Variants in TRAPPC12 observed in about 807,000 individuals in gnomAD.
The protein encoded by TRAPPC12 is trafficking protein particle complex subunit 12.
TRAPPC12 carries 61 observed loss-of-function variants against 69.2 expected under a neutral mutation model. The observed-to-expected ratio is 0.88, with a 90% CI of 0.72 to 1.09. TRAPPC12 has a LOEUF of 1.09. Among genes scored for constraint, TRAPPC12 ranks in the 50% least tolerant of loss-of-function variants. The pLI, the probability that TRAPPC12 is intolerant of heterozygous loss-of-function variation, is 0.00. For missense variants in TRAPPC12, 1,101 were observed against 1,016.4 expected, an observed-to-expected ratio of 1.08 and a Z score of -1.13; for synonymous variants, 469 against 438.9, an observed-to-expected ratio of 1.07 and a Z score of -0.86.
chr2:3,383,148 TATTA>T lies in TRAPPC12; in HGVS notation c.-5+3276_-5+3279del, dbSNP rs1002113818. Among the ~76,000 whole-genome samples, 23 of 152,224 alleles carry T rather than the reference TATTA, an allele frequency of 1.5e-4. 1 individual carries two copies. Among genetic ancestry groups the T allele is most frequent in the Admixed American group, 3.3e-4 (5 of 15,286 alleles). On this transcript the variant is annotated intron_variant, in intron 1 of 11. Coordinates refer to ENST00000324266, the MANE Select transcript of TRAPPC12 (RefSeq NM_016030.6). ...TCTAATGGATCATTTAGTGTGCTTTTATTAATTTGTAGGGATTCTTTATGTATTC... is the reference window on the plus strand; with the variant it reads ...TCTAATGGATCATTTAGTGTGCTTTTATTTGTAGGGATTCTTTATGTATTC...
intron 1 of TRAPPC12, among the ~76,000 whole-genome samples, chr2:3,387,338 G>C (rs928678167): frequency 5.9e-5 from 9 of 152,178 alleles, no homozygotes; most frequent in Non-Finnish European, 1.5e-5. Flanking sequence ...TGCTCTAGGC[G>C]GGGGAGATGG....
intron 6 of TRAPPC12, among the ~76,000 whole-genome samples, chr2:3,444,096 A>G (rs974671526): frequency 2.0e-5 from 3 of 152,208 alleles, no homozygotes; most frequent in Non-Finnish European, 2.9e-5. Context: ...AAGAGTTTCT[A>G]GCAGAGCTTG....
chr2:3,414,423 C>G lies in TRAPPC12; in HGVS notation c.1165-7458C>G, dbSNP rs551892544. On this transcript the variant is annotated intron_variant, in intron 3 of 11. Transcript: ENST00000324266. The surrounding 1 kb of genome is among the most constrained non-coding windows in gnomAD (Gnocchi z 4.9). Reference sequence around the variant, plus strand: ...ATTTAGTCCTTAGAATTCATTCTCTCCCTTCAAAGCCCCCCGGGTTCTTGT... The same window carrying G: ...ATTTAGTCCTTAGAATTCATTCTCTGCCTTCAAAGCCCCCCGGGTTCTTGT... Among the ~76,000 whole-genome samples the G allele has an allele frequency of 1.1e-4, 16 of 152,154 alleles. No individual in the cohort carries two copies. The highest frequency in any genetic ancestry group is 3.4e-4 in the African/African-American group (14 of 41,508).
chr2:3,451,120 A>G (rs749255436), intron 6 of TRAPPC12, among the ~76,000 whole-genome samples: 1 of 152,246 alleles, frequency 6.6e-6, no homozygotes, highest in Non-Finnish European at 1.5e-5. Flanking sequence ...TATGGAGTCA[A>G]GCAGCTGGGA....
chr2:3,387,950 TC>T lies in TRAPPC12; in HGVS notation c.330del (p.Ser111AlafsTer70). 1 of 1,491,790 alleles carries T rather than the reference TC, an allele frequency of 6.7e-7. No individual in the cohort carries two copies. The highest frequency in any genetic ancestry group is 8.9e-7 in the Non-Finnish European group (1 of 1,124,420). 92.4% of individuals were successfully genotyped at this position (1,491,790 alleles called of 1,614,324 possible). On this transcript the variant is annotated frameshift_variant, in exon 2 of 12. Transcript: ENST00000324266. LOFTEE classifies it high-confidence loss of function. ...GCCCGGAGCCCGCGGGCACCCCGAG[TC>T]CCAGCGGCGAGGCCGACGGCGACTG... ...PGPEPAGTPS[P>X]SGEADGDCAP...
At chr2:3,468,600 C>A (rs1214365985) in intron 9 of TRAPPC12, among the ~76,000 whole-genome samples, 1 of 152,170 alleles carries the variant, frequency 6.6e-6, no homozygotes, top group Non-Finnish European at 1.5e-5. Flanking sequence ...CCTCACAGAT[C>A]CAAGTGTAAG....
At chr2:3,443,734 C>A in intron 5 of TRAPPC12, 45 bp from the exon 6 acceptor site, 3 of 1,509,350 alleles carry the variant, frequency 2.0e-6, no homozygotes, top group Non-Finnish European at 2.8e-6. Context: ...TGAATGCGTG[C>A]TCAGTTATGG....
chr2:3,460,608 C>A, intron 8 of TRAPPC12: 1 of 396,832 alleles, frequency 2.5e-6, no homozygotes, highest in Non-Finnish European at 4.5e-6. Flanking sequence ...AAGTATTGTT[C>A]ATTTTCCCCC....
At chr2:3,442,857 A>G (rs1664296330) in intron 5 of TRAPPC12, among the ~76,000 whole-genome samples, 1 of 152,268 alleles carries the variant, frequency 6.6e-6, no homozygotes, top group Non-Finnish European at 1.5e-5. Context: ...ACTATATTCC[A>G]GATCCGAATA....
rs1379434284 is a variant in TRAPPC12 at position 3,414,012 on chromosome 2, G to T, written c.1165-7869G>T. ...CCCCTCCCCTCCTGTGCTAGTTCAGGCCTTGTTTCCTTGTGCCTTGTTCAC... is the reference window on the plus strand; with the variant it reads ...CCCCTCCCCTCCTGTGCTAGTTCAGTCCTTGTTTCCTTGTGCCTTGTTCAC... On this transcript the variant is annotated intron_variant, in intron 3 of 11. Coordinates refer to ENST00000324266, the MANE Select transcript of TRAPPC12 (RefSeq NM_016030.6). The surrounding 1 kb of genome is among the most constrained non-coding windows in gnomAD (Gnocchi z 4.9). Among the ~76,000 whole-genome samples, 1 of 151,984 alleles carries T rather than the reference G, an allele frequency of 6.6e-6. No individual in the cohort carries two copies. Among genetic ancestry groups the T allele is most frequent in the African/African-American group, 2.4e-5 (1 of 41,322 alleles).
At chr2:3,384,929 T>C (rs1224774245) in intron 1 of TRAPPC12, among the ~76,000 whole-genome samples, 2 of 152,212 alleles carry the variant, frequency 1.3e-5, no homozygotes, top group African/African-American at 4.8e-5. Context: ...TTTTTTATGG[T>C]TATAGAACTA....
intron 6 of TRAPPC12, among the ~76,000 whole-genome samples, chr2:3,446,486 A>G (rs1480835552): frequency 1.3e-5 from 2 of 152,238 alleles, no homozygotes; most frequent in African/African-American, 4.8e-5. Flanking sequence ...GACCCAGGGC[A>G]TGACCATATA....
chr2:3,419,889 G>A (rs779834558), intron 3 of TRAPPC12, among the ~76,000 whole-genome samples: 5 of 152,208 alleles, frequency 3.3e-5, no homozygotes, highest in Non-Finnish European at 4.4e-5. Context: ...ACGTGCAGCC[G>A]TGGGACCCCT....
At chr2:3,474,681 A>ACAGGTGACG (rs1666224944) in intron 9 of TRAPPC12, among the ~76,000 whole-genome samples, 3 of 151,958 alleles carry the variant, frequency 2.0e-5, no homozygotes, top group Non-Finnish European at 2.9e-5. Flanking sequence ...CACAGGTGAC[A>ACAGGTGACG]TCTCAAAAGG....
At chr2:3,465,879 C>T (rs948983053) in intron 9 of TRAPPC12, 184 bp downstream of exon 9, 2 of 595,178 alleles carry the variant, frequency 3.4e-6, no homozygotes, top group African/African-American at 3.7e-5. Context: ...TGTGGGAGGC[C>T]CTGCTGGCTT....
chr2:3,469,583 A>G (rs1665973763), intron 9 of TRAPPC12, among the ~76,000 whole-genome samples: 1 of 152,314 alleles, frequency 6.6e-6, no homozygotes, highest in Non-Finnish European at 1.5e-5. Context: ...CCCTCCAGCA[A>G]GAATAGCACT....
At chr2:3,445,569 A>T (rs374700133) in intron 6 of TRAPPC12, among the ~76,000 whole-genome samples, 2 of 152,314 alleles carry the variant, frequency 1.3e-5, no homozygotes, top group African/African-American at 4.8e-5. Flanking sequence ...CACTGCTCTG[A>T]GTTCCAATAT....
chr2:3,478,837 G>A lies in TRAPPC12; in HGVS notation c.1878-9G>A, dbSNP rs2103182204. 1 of 1,613,928 alleles carries A rather than the reference G, an allele frequency of 6.2e-7. No homozygotes were observed. Among genetic ancestry groups the A allele is most frequent in the East Asian group, 2.2e-5 (1 of 44,872 alleles). Reference sequence around the variant, plus strand: ...TCCCCGCTAACTGCCACCGTTGCTTGTGTTACAGCGCGTTCCTTCACCTCG... The same window carrying A: ...TCCCCGCTAACTGCCACCGTTGCTTATGTTACAGCGCGTTCCTTCACCTCG... On this transcript the variant is annotated splice_polypyrimidine_tract_variant and intron_variant, in intron 10 of 11. Coordinates refer to ENST00000324266, the MANE Select transcript of TRAPPC12 (RefSeq NM_016030.6).
At chr2:3,401,078 A>G (rs541991767) in intron 2 of TRAPPC12, among the ~76,000 whole-genome samples, 10 of 152,348 alleles carry the variant, frequency 6.6e-5, no homozygotes, top group African/African-American at 7.2e-5. Flanking sequence ...GGTCCCGTGC[A>G]GAGGCAACTG....
Sources: gnomAD v4.1 joint callset for allele counts (sites outside exome capture counted in the v4.1 genomes callset) on GRCh38, gnomAD v4.1.1 for gene constraint, Gnocchi (gnomAD v3.1) non-coding constraint, MANE v1.5 for transcripts, NCBI Gene and HGNC (gene_info 2026-07-23, HGNC 2026-07-21) for gene names.